TMEM272: variants seen among roughly 807,000 people sequenced by gnomAD.
The protein encoded by TMEM272 is long intergenic non-protein coding RNA 282.
In TMEM272, 8 loss-of-function variants were observed where a neutral mutation model predicts 3.7. The observed-to-expected ratio is 2.17, with a 90% CI of 1.27 to 3.91. TMEM272 has a LOEUF of 3.91. Ranked by LOEUF, TMEM272 falls within the 30% of genes most tolerant of loss-of-function variation. TMEM272 has a pLI of 0.00. For missense variants in TMEM272, 166 were observed against 91.5 expected (o/e 1.81, Z -3.32); for synonymous variants, 63 against 39.8 (o/e 1.58, Z -2.20).
chr13:51,903,240 C>G, the TMEM272 span, among the ~76,000 whole-genome samples: 545 of 152,304 alleles, frequency 3.6e-3, 4 homozygotes, highest in African/African-American at 0.012. Flanking sequence ...GATCTAGAGA[C>G]ACTTTATTTA....
At chr13:51,887,164 C>T in the TMEM272 span, among the ~76,000 whole-genome samples, 1 of 152,146 alleles carries the variant, frequency 6.6e-6, no homozygotes, top group Non-Finnish European at 1.5e-5. Flanking sequence ...CTTAGCTTTG[C>T]TTGGTGTAAA....
the TMEM272 span, among the ~76,000 whole-genome samples, chr13:51,915,036 A>G: frequency 6.6e-6 from 1 of 152,372 alleles, no homozygotes; most frequent in Non-Finnish European, 1.5e-5. Flanking sequence ...GATGTTTAGA[A>G]TGTAAATACT....
chr13:51,898,441 G>A, the TMEM272 span, among the ~76,000 whole-genome samples: 1 of 151,522 alleles, frequency 6.6e-6, no homozygotes, highest in Admixed American at 6.6e-5. Flanking sequence ...AGAGAGGATG[G>A]CTGCCTCATG....
intron 2 of TMEM272, among the ~76,000 whole-genome samples, chr13:51,828,681 C>A (rs112509323): frequency 6.6e-6 from 1 of 152,148 alleles, no homozygotes; most frequent in Admixed American, 6.5e-5. Flanking sequence ...AAATTTCTCT[C>A]GAAATCGTGT....
At chr13:51,904,275 G>C in the TMEM272 span, among the ~76,000 whole-genome samples, 4 of 152,118 alleles carry the variant, frequency 2.6e-5, no homozygotes, top group Non-Finnish European at 5.9e-5. Flanking sequence ...TGCCTATTTT[G>C]AAATTAAGAA....
the TMEM272 span, among the ~76,000 whole-genome samples, chr13:51,915,590 G>A: frequency 6.6e-6 from 1 of 152,124 alleles, no homozygotes; most frequent in Admixed American, 6.5e-5. Context: ...CTACATATAC[G>A]CAGAGACACG....
the TMEM272 span, among the ~76,000 whole-genome samples, chr13:51,869,334 T>C: frequency 1.3e-5 from 2 of 152,182 alleles, no homozygotes; most frequent in South Asian, 4.1e-4. Context: ...TAAGTTCTTA[T>C]GTGCCAGCAT....
chr13:51,886,065 C>T, the TMEM272 span, among the ~76,000 whole-genome samples: 2 of 152,228 alleles, frequency 1.3e-5, no homozygotes, highest in African/African-American at 4.8e-5. Context: ...GCTTCCCCGC[C>T]TGGTACCTAG....
At chr13:51,856,938 G>C in the TMEM272 span, among the ~76,000 whole-genome samples, 1 of 152,136 alleles carries the variant, frequency 6.6e-6, no homozygotes, top group African/African-American at 2.4e-5. Flanking sequence ...TAATACGTCT[G>C]AATAAGAAAA....
chr13:51,822,226 C>A (rs1956086063), intron 3 of TMEM272, 89 bp from the exon 4 acceptor site: 1 of 621,696 alleles, frequency 1.6e-6, no homozygotes, highest in South Asian at 1.9e-5. Context: ...CCTTCAAAAG[C>A]CAAAATGTTA....
At chr13:51,830,685 C>T (rs758402211) in intron 2 of TMEM272, among the ~76,000 whole-genome samples, 24 of 152,260 alleles carry the variant, frequency 1.6e-4, no homozygotes, top group Admixed American at 5.2e-4. Context: ...GCCCCCACTT[C>T]GGAATCAAAT....
At chr13:51,881,329 G>A in the TMEM272 span, among the ~76,000 whole-genome samples, 3 of 151,956 alleles carry the variant, frequency 2.0e-5, no homozygotes, top group South Asian at 6.3e-4. Flanking sequence ...CATGGATGGT[G>A]TGCCTTGAAA....
At chr13:51,855,922 C>T in the TMEM272 span, among the ~76,000 whole-genome samples, 1 of 152,142 alleles carries the variant, frequency 6.6e-6, no homozygotes, top group Non-Finnish European at 1.5e-5. Context: ...GATATAATCA[C>T]CTGATGGGTT....
chr13:51,899,721 A>G, the TMEM272 span, among the ~76,000 whole-genome samples: 9 of 152,214 alleles, frequency 5.9e-5, no homozygotes, highest in African/African-American at 9.6e-5. Flanking sequence ...TGGGGGACTC[A>G]AGTTTCTCTA....
the TMEM272 span, among the ~76,000 whole-genome samples, chr13:51,922,697 T>C: frequency 3.9e-5 from 6 of 152,310 alleles, no homozygotes; most frequent in African/African-American, 1.4e-4. Flanking sequence ...AAATGGGTCT[T>C]ATGAGCTAAA....
chr13:51,909,583 T>A, the TMEM272 span: 3 of 1,185,824 alleles, frequency 2.5e-6, no homozygotes, highest in African/African-American at 4.5e-5. Flanking sequence ...AAGCTCTTCC[T>A]TGGTTTTATC....
the TMEM272 span, chr13:51,921,646 G>C: frequency 6.6e-6 from 1 of 152,488 alleles, no homozygotes; most frequent in East Asian, 1.9e-4. Context: ...CCTGTCCTTT[G>C]CTCACCCAGG....
chr13:51,837,289 G>C (rs1049080543), intron 2 of TMEM272, among the ~76,000 whole-genome samples: 3 of 152,148 alleles, frequency 2.0e-5, no homozygotes, highest in African/African-American at 7.2e-5. Context: ...TGTGTGTTGG[G>C]GGAGGTGGTG....
the TMEM272 span, chr13:51,865,425 A>T: frequency 3.7e-6 from 6 of 1,611,460 alleles, no homozygotes; most frequent in Non-Finnish European, 5.1e-6. Flanking sequence ...TTTTCCTTCA[A>T]GGTGAGCAGA....
Sources: allele counts gnomAD v4.1 joint callset (sites outside exome capture counted in the v4.1 genomes callset), GRCh38; gene constraint gnomAD v4.1.1; transcripts MANE v1.5; gene names NCBI Gene and HGNC (gene_info 2026-07-23, HGNC 2026-07-21).